The following GAREM1 variants were observed in gnomAD, a reference collection of about 807,000 sequenced individuals.
GAREM1 encodes GRB2 associated regulator of MAPK1 subtype 1.
Under a neutral mutation model 71.3 loss-of-function variants are expected in GAREM1, and 26 were observed. The observed-to-expected ratio is 0.36, with a 90% CI of 0.27 to 0.51. GAREM1 has a LOEUF of 0.51. Among genes scored for constraint, GAREM1 ranks in the 20% least tolerant of loss-of-function variants. The pLI is 0.95. For synonymous variants in GAREM1, 440 were observed against 433.2 expected, an observed-to-expected ratio of 1.02 and a Z score of -0.20; for missense variants, 1,026 against 1,103.1, an observed-to-expected ratio of 0.93 and a Z score of 0.99.
At chr18:32,420,078 T>C (rs1427854493) in intron 1 of GAREM1, among the ~76,000 whole-genome samples, 1 of 152,170 alleles carries the variant, frequency 6.6e-6, no homozygotes, top group African/African-American at 2.4e-5. Flanking sequence ...ATAAATTTAA[T>C]TGAGAAATGA....
chr18:32,364,153 G>C (rs2047906353), intron 2 of GAREM1, among the ~76,000 whole-genome samples: 1 of 146,900 alleles, frequency 6.8e-6, no homozygotes, highest in Non-Finnish European at 1.5e-5. Context: ...TCCTGCCTCA[G>C]CCTCCTCAGT....
intron 2 of GAREM1, among the ~76,000 whole-genome samples, chr18:32,376,417 T>G (rs2048030872): frequency 6.6e-6 from 1 of 152,254 alleles, no homozygotes; most frequent in Non-Finnish European, 1.5e-5. Flanking sequence ...TGATATTAGT[T>G]ATAATCTTTT....
rs937572140 is a variant in GAREM1, at chr18:32,289,127, G to T, written c.394-924C>A. Reference sequence around the variant, plus strand: ...AAGACAGGATCTTGCTGCCCAGGCTGGAGTGCAGCAGCATGATCACAGCTC... The same window carrying T: ...AAGACAGGATCTTGCTGCCCAGGCTTGAGTGCAGCAGCATGATCACAGCTC... On this transcript the variant is annotated intron_variant, in intron 3 of 5. Transcript: ENST00000269209. 5.9e-5 allele frequency among the ~76,000 whole-genome samples: 9 copies of T among 152,108 alleles called. 1 individual carries two copies. Among genetic ancestry groups the T allele is most frequent in the Admixed American group, 5.9e-4 (9 of 15,260 alleles).
chr18:32,316,000 T>A (rs185699957), intron 2 of GAREM1, among the ~76,000 whole-genome samples: 1 of 152,306 alleles, frequency 6.6e-6, no homozygotes, highest in Admixed American at 6.5e-5. Flanking sequence ...GTACTATCAG[T>A]AGCCTCAAAC....
intron 2 of GAREM1, among the ~76,000 whole-genome samples, chr18:32,360,227 A>G (rs2047852841): frequency 6.6e-6 from 1 of 151,946 alleles, no homozygotes; most frequent in African/African-American, 2.4e-5. Flanking sequence ...AATCCTGTTT[A>G]AAAAATATAT....
chr18:32,403,935 A>C (rs1039367972), intron 1 of GAREM1, among the ~76,000 whole-genome samples: 2 of 152,174 alleles, frequency 1.3e-5, no homozygotes, highest in Admixed American at 1.3e-4. Flanking sequence ...ATTTTTTTCC[A>C]TTTTAAAACT....
chr18:32,363,983 A>T lies in GAREM1; in HGVS notation c.262+28912T>A, dbSNP rs867715302. Among the ~76,000 whole-genome samples the T allele has an allele frequency of 1.4e-3, 89 of 62,706 alleles. 1 individual carries two copies. In the Middle Eastern group the frequency reaches 0.029, roughly 21 times the overall value. The allele number at this position is 62,706 out of a possible 152,430, so 41.1% of individuals were successfully genotyped here. On this transcript the variant is annotated intron_variant, in intron 2 of 5. Transcript: ENST00000269209. ...ATACATATACATACACAAATACATA[A>T]ATACATATATACATATATATATATA...
chr18:32,349,979 C>T (rs550927117), intron 2 of GAREM1, among the ~76,000 whole-genome samples: 1 of 152,194 alleles, frequency 6.6e-6, no homozygotes, highest in East Asian at 1.9e-4. Context: ...TCTGGCAGGG[C>T]TCCAAGTGTC....
intron 1 of GAREM1, among the ~76,000 whole-genome samples, chr18:32,449,539 T>C (rs1159358318): frequency 2.0e-5 from 3 of 151,962 alleles, no homozygotes; most frequent in Non-Finnish European, 4.4e-5. Context: ...AAAAAATTAG[T>C]TGGGTGTGGT....
At chr18:32,281,136 G>A (rs183046758) in intron 4 of GAREM1, among the ~76,000 whole-genome samples, 20 of 152,316 alleles carry the variant, frequency 1.3e-4, no homozygotes, top group Admixed American at 1.0e-3. Flanking sequence ...CTGACTCAGG[G>A]AGGTTAAATA....
At chr18:32,391,283 C>A (rs2048194619) in intron 2 of GAREM1, among the ~76,000 whole-genome samples, 1 of 152,092 alleles carries the variant, frequency 6.6e-6, no homozygotes, top group Non-Finnish European at 1.5e-5. Context: ...GAGGTTCACT[C>A]TTCGGAATAG....
intron 2 of GAREM1, among the ~76,000 whole-genome samples, chr18:32,313,341 A>C (rs981776036): frequency 6.6e-6 from 1 of 152,046 alleles, no homozygotes; most frequent in Non-Finnish European, 1.5e-5. Context: ...TGAGTTTTGA[A>C]CCCTAGAGGG....
chr18:32,321,316 T>C (rs1598959404), intron 2 of GAREM1, among the ~76,000 whole-genome samples: 1 of 152,200 alleles, frequency 6.6e-6, no homozygotes, highest in African/African-American at 2.4e-5. Flanking sequence ...CTCTTTCTCC[T>C]TTGCCTTTGC....
At chr18:32,361,888 A>T (rs1224082782) in intron 2 of GAREM1, among the ~76,000 whole-genome samples, 1 of 152,230 alleles carries the variant, frequency 6.6e-6, no homozygotes, top group Non-Finnish European at 1.5e-5. Context: ...CAGGTTAAAA[A>T]TTTAAATGAT....
intron 2 of GAREM1, among the ~76,000 whole-genome samples, chr18:32,348,037 T>A (rs2144586643): frequency 6.6e-6 from 1 of 152,358 alleles, no homozygotes; most frequent in South Asian, 2.1e-4. Flanking sequence ...ATCTCTGTAT[T>A]CAAACTAGAT....
intron 2 of GAREM1, among the ~76,000 whole-genome samples, chr18:32,346,977 T>C (rs543317979): frequency 5.3e-5 from 8 of 152,294 alleles, no homozygotes; most frequent in African/African-American, 1.9e-4. Context: ...CAGTCTCTGC[T>C]TTGTTCACAC....
At chr18:32,407,170 C>T (rs1265975081) in intron 1 of GAREM1, among the ~76,000 whole-genome samples, 1 of 152,200 alleles carries the variant, frequency 6.6e-6, no homozygotes, top group Non-Finnish European at 1.5e-5. Context: ...GATCCTAAGA[C>T]ACATGTTGTG....
chr18:32,468,861 AAC>A (rs1254741933), intron 1 of GAREM1, among the ~76,000 whole-genome samples: 4 of 151,994 alleles, frequency 2.6e-5, no homozygotes, highest in African/African-American at 9.7e-5. Context: ...TGTGAATACA[AAC>A]ACACACACCA....
At position 32,403,339 on chromosome 18, in the gene GAREM1, A is replaced by C. The variant is rs550106231; in HGVS notation, c.122-10304T>G. Among the ~76,000 whole-genome samples the C allele has an allele frequency of 2.0e-5, 3 of 152,310 alleles. No individual in the cohort carries two copies. In the South Asian group the frequency reaches 6.2e-4, roughly 32 times the overall value. ...AATGGGGCCCTGAGTCCAATACTCA[A>C]GGTCCCCATGATTTACTTCTAATAG... On this transcript the variant is annotated intron_variant, in intron 1 of 5. Transcript: ENST00000269209.
Sources: allele counts gnomAD v4.1 joint callset (sites outside exome capture counted in the v4.1 genomes callset), GRCh38; gene constraint gnomAD v4.1.1; transcripts MANE v1.5; gene names NCBI Gene and HGNC (gene_info 2026-07-23, HGNC 2026-07-21).